Variants in HLCS observed in about 807,000 individuals in gnomAD.
HLCS encodes biotin--protein ligase.
HLCS carries 53 observed loss-of-function variants against 75.0 expected under a neutral mutation model. The ratio of observed to expected loss-of-function variants is 0.71; its 90% CI spans 0.57 to 0.89. The LOEUF (loss-of-function observed/expected upper bound fraction) is 0.89, where lower values mean the gene tolerates loss of function less well. Ranked by LOEUF, HLCS falls within the 40% of genes least tolerant of loss-of-function variation. The probability of loss-of-function intolerance (pLI) is 0.00; values close to 1 mark genes in which losing one functional copy is unlikely to be tolerated. For synonymous variants in HLCS, 431 were observed against 428.6 expected (o/e 1.01, Z -0.07); for missense variants, 966 against 1,074.0 (o/e 0.90, Z 1.41).
chr21:36,854,491 A>G (rs1031878884), intron 6 of HLCS, among the ~76,000 whole-genome samples: 2 of 152,132 alleles, frequency 1.3e-5, no homozygotes, highest in African/African-American at 4.8e-5. Flanking sequence ...GGAGCTCTGC[A>G]GGGGGAGTGA....
At chr21:36,911,039 G>A (rs1306439113) in intron 5 of HLCS, among the ~76,000 whole-genome samples, 1 of 152,214 alleles carries the variant, frequency 6.6e-6, no homozygotes, top group Non-Finnish European at 1.5e-5. Flanking sequence ...AAATGAATCT[G>A]GAGATGTGGT....
intron 6 of HLCS, among the ~76,000 whole-genome samples, chr21:36,865,540 G>A (rs2063525636): frequency 6.6e-6 from 1 of 152,110 alleles, no homozygotes; most frequent in Admixed American, 6.5e-5. Context: ...GACCCTCTTC[G>A]GCTTTCTCCT....
At chr21:36,796,904 T>C (rs1426807412) in intron 6 of HLCS, among the ~76,000 whole-genome samples, 2 of 152,044 alleles carry the variant, frequency 1.3e-5, no homozygotes, top group Middle Eastern at 3.2e-3. Context: ...TCTCACTCTA[T>C]TGCCCAGGCT....
chr21:36,857,843 G>A (rs1398111604), intron 6 of HLCS, among the ~76,000 whole-genome samples: 1 of 152,180 alleles, frequency 6.6e-6, no homozygotes, highest in Non-Finnish European at 1.5e-5. Flanking sequence ...AGGCTGAAGT[G>A]CAGTGGTGCA....
chr21:36,757,249 A>T (rs969984019), intron 9 of HLCS, among the ~76,000 whole-genome samples: 24 of 152,350 alleles, frequency 1.6e-4, no homozygotes, highest in Non-Finnish European at 2.9e-4. Context: ...TGGTCATGGC[A>T]TAACCCTAGA....
At chr21:36,870,970 C>T (rs1332757336) in intron 6 of HLCS, among the ~76,000 whole-genome samples, 2 of 152,156 alleles carry the variant, frequency 1.3e-5, no homozygotes, top group Admixed American at 6.5e-5. Flanking sequence ...AGTAAAATTA[C>T]ATCAGAATAT....
chr21:36,851,645 A>G (rs1298334007), intron 6 of HLCS, among the ~76,000 whole-genome samples: 1 of 152,194 alleles, frequency 6.6e-6, no homozygotes, highest in Non-Finnish European at 1.5e-5. Context: ...AAATATTTTA[A>G]TTGTACATTT....
intron 5 of HLCS, among the ~76,000 whole-genome samples, chr21:36,906,299 TGGAGG>T (rs2065452514): frequency 6.6e-6 from 1 of 152,138 alleles, no homozygotes; most frequent in Non-Finnish European, 1.5e-5. Context: ...AGGCTGAGTA[TGGAGG>T]ATCACTTGAG....
intron 6 of HLCS, among the ~76,000 whole-genome samples, chr21:36,852,941 T>G (rs966287251): frequency 2.0e-4 from 31 of 152,120 alleles, no homozygotes; most frequent in African/African-American, 7.5e-4. Flanking sequence ...CAGTAATTTC[T>G]GGAACACAGC....
intron 6 of HLCS, among the ~76,000 whole-genome samples, chr21:36,825,718 T>C (rs997780848): frequency 1.4e-4 from 21 of 152,144 alleles, no homozygotes; most frequent in East Asian, 1.9e-4. Context: ...CATATGCATC[T>C]CCACCATCTC....
intron 6 of HLCS, chr21:36,852,106 C>G (rs1203149971): frequency 1.3e-5 from 2 of 152,244 alleles, no homozygotes; most frequent in African/African-American, 4.8e-5. Context: ...CACCCTGTGG[C>G]ACCCATGACT....
At position 36,750,785 on chromosome 21, in the gene HLCS, A is replaced by G. The variant is rs1327348480; in HGVS notation, c.*3461T>C. 6.6e-6 allele frequency: 1 copy of G among 151,346 alleles called. No individual in the cohort carries two copies. The highest frequency in any genetic ancestry group is 1.5e-5 in the Non-Finnish European group (1 of 67,944). The allele number at this position is 151,346 out of a possible 1,614,324, so 9.4% of individuals were successfully genotyped here. A position where few individuals can be genotyped will look rare whatever the true frequency, so the allele number is the denominator to read the frequency against. ...ATTCAAGCTGTTCCTAAACTTAAGT[A>G]TGACATATAAGATTAAAATCTTGGG... On this transcript the variant is annotated 3_prime_UTR_variant, in exon 11 of 11. Coordinates refer to ENST00000674895, the MANE Select transcript of HLCS (RefSeq NM_001352514.2).
intron 6 of HLCS, among the ~76,000 whole-genome samples, chr21:36,823,377 C>T (rs2061903880): frequency 6.6e-6 from 1 of 152,148 alleles, no homozygotes; most frequent in Admixed American, 6.5e-5. Flanking sequence ...CTCTCTTAGC[C>T]TTTCATTATA....
chr21:36,956,572 C>T (rs1026156582), intron 2 of HLCS, among the ~76,000 whole-genome samples: 1 of 151,320 alleles, frequency 6.6e-6, no homozygotes, highest in Admixed American at 6.6e-5. Context: ...ACTAAACATA[C>T]AAAAAAAATT....
At chr21:36,870,512 T>A (rs1172320368) in intron 6 of HLCS, among the ~76,000 whole-genome samples, 7 of 152,226 alleles carry the variant, frequency 4.6e-5, no homozygotes, top group Non-Finnish European at 7.3e-5. Context: ...TATCAATAAA[T>A]AGACCTATAT....
intron 6 of HLCS, among the ~76,000 whole-genome samples, chr21:36,828,797 C>T (rs1373896314): frequency 6.6e-6 from 1 of 152,202 alleles, no homozygotes; most frequent in Non-Finnish European, 1.5e-5. Context: ...CTACTTTGAT[C>T]TCACTTACTG....
intron 6 of HLCS, among the ~76,000 whole-genome samples, chr21:36,863,598 A>G (rs2063456137): frequency 1.3e-5 from 2 of 152,134 alleles, no homozygotes; most frequent in Admixed American, 6.5e-5. Flanking sequence ...AGTTTTTGAG[A>G]AAGGAAGGAA....
intron 6 of HLCS, among the ~76,000 whole-genome samples, chr21:36,890,194 T>G (rs1302136526): frequency 6.6e-6 from 1 of 152,196 alleles, no homozygotes; most frequent in African/African-American, 2.4e-5. Context: ...CAGTTAAACC[T>G]CTTTCCTTTG....
intron 6 of HLCS, among the ~76,000 whole-genome samples, chr21:36,891,476 A>C (rs2064781803): frequency 6.6e-6 from 1 of 152,210 alleles, no homozygotes; most frequent in Non-Finnish European, 1.5e-5. Context: ...TGCCCCAGAA[A>C]CAAGGCCTAA....
Sources: allele counts gnomAD v4.1 joint callset (sites outside exome capture counted in the v4.1 genomes callset), GRCh38; gene constraint gnomAD v4.1.1; transcripts MANE v1.5; gene names NCBI Gene and HGNC (gene_info 2026-07-23, HGNC 2026-07-21).